PATJ: variants seen among roughly 807,000 people sequenced by gnomAD.
PATJ encodes the protein inaD-like protein.
PATJ carries 190 observed loss-of-function variants against 224.9 expected under a neutral mutation model. The observed-to-expected ratio is 0.84, with a 90% CI of 0.75 to 0.95. PATJ has a LOEUF of 0.95. PATJ is among the 40% of genes least tolerant of loss of function. The probability of loss-of-function intolerance (pLI) is 0.00; values close to 1 mark genes in which losing one functional copy is unlikely to be tolerated. For missense variants in PATJ, 2,121 were observed against 2,270.3 expected (o/e 0.93, Z 1.34); for synonymous variants, 769 against 820.3 (o/e 0.94, Z 1.07).
chr1:62,020,397 A>G (rs932023156), intron 29 of PATJ, among the ~76,000 whole-genome samples: 41 of 152,338 alleles, frequency 2.7e-4, no homozygotes, highest in Non-Finnish European at 5.4e-4. Context: ...CACATGGGCC[A>G]TGCCATTTTA....
At chr1:61,889,763 T>G (rs1440051057) in intron 22 of PATJ, among the ~76,000 whole-genome samples, 1 of 152,220 alleles carries the variant, frequency 6.6e-6, no homozygotes, top group Non-Finnish European at 1.5e-5. Flanking sequence ...GGCATGCAAT[T>G]TAAAACCTAT....
chr1:61,855,975 C>A, intron 17 of PATJ, 55 bp from the exon 18 acceptor site: 1 of 1,314,014 alleles, frequency 7.6e-7, no homozygotes, highest in African/African-American at 1.4e-5. Flanking sequence ...TGTCCTAAGG[C>A]TGCATATTTA....
chr1:61,777,944 A>G (rs374739685), intron 7 of PATJ, among the ~76,000 whole-genome samples: 2 of 151,706 alleles, frequency 1.3e-5, no homozygotes, highest in East Asian at 1.9e-4. Context: ...CAGTGGTGCT[A>G]TCTTGGCTGA....
At chr1:61,836,325 T>G (rs1660172988) in intron 17 of PATJ, among the ~76,000 whole-genome samples, 1 of 152,242 alleles carries the variant, frequency 6.6e-6, no homozygotes, top group Non-Finnish European at 1.5e-5. Flanking sequence ...GCACACATAC[T>G]GACATTTGTT....
At chr1:61,893,208 G>A (rs2498986) in intron 22 of PATJ, among the ~76,000 whole-genome samples, 2,294 of 152,128 alleles carry the variant, frequency 0.015, 54 homozygotes, top group African/African-American at 0.052. Flanking sequence ...CTCTCGTTAG[G>A]TATGAACTCA....
At chr1:61,771,715 C>T (rs932138382) in intron 6 of PATJ, 89 bp downstream of exon 6, 18 of 963,830 alleles carry the variant, frequency 1.9e-5, no homozygotes, top group African/African-American at 1.2e-4. Flanking sequence ...GTCATTTTAC[C>T]TTTCTTTCCT....
chr1:61,953,472 T>A (rs1045048560), intron 27 of PATJ, among the ~76,000 whole-genome samples: 9 of 152,238 alleles, frequency 5.9e-5, no homozygotes, highest in African/African-American at 2.2e-4. Flanking sequence ...TCTGAAGATA[T>A]CCCTGTGGGG....
intron 13 of PATJ, among the ~76,000 whole-genome samples, chr1:61,805,750 A>C (rs764950866): frequency 6.6e-6 from 1 of 152,202 alleles, no homozygotes; most frequent in Non-Finnish European, 1.5e-5. Context: ...TAACATTAGG[A>C]GACACTCAGT....
intron 33 of PATJ, chr1:62,100,553 C>T (rs1183295413): frequency 3.5e-6 from 2 of 565,846 alleles, no homozygotes; most frequent in African/African-American, 3.7e-5. Context: ...AATACTGTCA[C>T]AATGGCAATT....
chr1:62,084,683 T>C (rs766695558), intron 33 of PATJ, 35 bp downstream of exon 33: 6 of 1,604,974 alleles, frequency 3.7e-6, no homozygotes, highest in Non-Finnish European at 4.3e-6. Context: ...TCCACTGTCA[T>C]AGAACTAGTT....
At chr1:62,083,175 A>G (rs1304780141) in intron 32 of PATJ, among the ~76,000 whole-genome samples, 5 of 152,184 alleles carry the variant, frequency 3.3e-5, no homozygotes, top group African/African-American at 7.2e-5. Flanking sequence ...TGGCCAGGCT[A>G]GAGTGCAATG....
In PATJ at chr1:62,163,183, T is replaced by C. The variant is rs1489305416; in HGVS notation, c.*2129T>C. The C allele has an allele frequency of 1.9e-5, 3 of 155,104 alleles. No homozygotes were observed. Among genetic ancestry groups the C allele is most frequent in the Non-Finnish European group, 2.9e-5 (2 of 69,640 alleles). 9.6% of individuals were successfully genotyped at this position (155,104 alleles called of 1,614,324 possible). A position where few individuals can be genotyped will look rare whatever the true frequency, so the allele number is the denominator to read the frequency against. ...AATATTTTATGGCTATTCCAAAGTA[T>C]AGAGTGCCTAAATTTTGTGTTGAAA... On this transcript the variant is annotated 3_prime_UTR_variant, in exon 44 of 44. Coordinates refer to ENST00000642238, the MANE Select transcript of PATJ (RefSeq NM_001350145.3).
intron 27 of PATJ, among the ~76,000 whole-genome samples, chr1:61,930,523 C>T (rs1048768415): frequency 1.3e-5 from 2 of 152,134 alleles, no homozygotes; most frequent in Admixed American, 1.3e-4. Flanking sequence ...AGCCCTAGGC[C>T]TACAGGGAAG....
chr1:61,953,300 CATT>C (rs1439058778), intron 27 of PATJ, among the ~76,000 whole-genome samples: 5 of 152,144 alleles, frequency 3.3e-5, no homozygotes, highest in African/African-American at 1.2e-4. Flanking sequence ...TTAGACATGA[CATT>C]ATAGCCTTTC....
chr1:61,875,054 G>A (rs12096192), intron 20 of PATJ, among the ~76,000 whole-genome samples, 189 bp from the exon 21 acceptor site: 97,918 of 151,984 alleles, frequency 0.64, 31,903 homozygotes, highest in East Asian at 0.88. Context: ...AACAGATTTT[G>A]TTAGCCTATA....
In PATJ at chr1:61,797,336, T is replaced by C; in HGVS notation, c.1310T>C (p.Val437Ala). The C allele has an allele frequency of 1.9e-6, 3 of 1,614,052 alleles. No homozygotes were observed. The highest frequency in any genetic ancestry group is 2.5e-6 in the Non-Finnish European group (3 of 1,179,912). The change falls in exon 11 of 44, where the codon GTA (valine) becomes GCA (alanine). Residue 437 changes from valine to alanine, a missense_variant. Transcript: ENST00000642238. ...QGFANHDVVE[V>A]LRNAGQVVHL... ...TTTGCCAACCATGATGTTGTTGAAG[T>C]ATTACGAAATGCAGGGCAGGTGGTA...
chr1:62,142,949 G>A (rs533058065), intron 41 of PATJ, among the ~76,000 whole-genome samples: 91 of 152,262 alleles, frequency 6.0e-4, no homozygotes, highest in South Asian at 1.4e-3. Flanking sequence ...GCGGATACCC[G>A]TTTTATATTT....
intron 17 of PATJ, among the ~76,000 whole-genome samples, chr1:61,848,216 C>A (rs1306695432): frequency 2.0e-5 from 3 of 152,182 alleles, no homozygotes; most frequent in African/African-American, 7.2e-5. Flanking sequence ...CGAAGACACT[C>A]GTGAAACTCT....
intron 14 of PATJ, among the ~76,000 whole-genome samples, chr1:61,817,447 T>C (rs1280039735): frequency 6.6e-6 from 1 of 152,132 alleles, no homozygotes; most frequent in African/African-American, 2.4e-5. Flanking sequence ...GTGGATCACC[T>C]GAGGTCAGGG....
Sources: gnomAD v4.1 joint callset for allele counts (sites outside exome capture counted in the v4.1 genomes callset) on GRCh38, gnomAD v4.1.1 for gene constraint, MANE v1.5 for transcripts, NCBI Gene and HGNC (gene_info 2026-07-23, HGNC 2026-07-21) for gene names.